Variants in ANO4 observed in about 807,000 individuals in gnomAD.
The protein encoded by ANO4 is anoctamin 4.
Under a neutral mutation model 141.9 loss-of-function variants are expected in ANO4, and 69 were observed. The observed-to-expected ratio is 0.49, with a 90% CI of 0.40 to 0.59. The LOEUF is 0.59. ANO4 is among the 20% of genes least tolerant of loss of function. ANO4 has a pLI of 0.00. For synonymous variants in ANO4, 350 were observed against 394.3 expected (o/e 0.89, Z 1.33); for missense variants, 894 against 1,162.2 (o/e 0.77, Z 3.36).
At chr12:100,930,478 A>G (rs1418158875) in intron 3 of ANO4, among the ~76,000 whole-genome samples, 1 of 152,154 alleles carries the variant, frequency 6.6e-6, no homozygotes, top group Non-Finnish European at 1.5e-5. Context: ...CATTGTCAAA[A>G]ATGAATTTAC....
rs149985630 is a variant in ANO4, at chr12:101,072,719, A to G, written c.1313-6474A>G. ...GACAAAGGGCTAATATCCAGAATCT[A>G]CAAAGAATTTAAACAAACTTACAAG... On this transcript the variant is annotated intron_variant, in intron 14 of 27. Coordinates refer to ENST00000392977, the MANE Select transcript of ANO4 (RefSeq NM_001286615.2). Among the ~76,000 whole-genome samples the G allele has an allele frequency of 7.6e-3, 1,153 of 152,272 alleles. 10 individuals carry two copies. Among genetic ancestry groups the G allele is most frequent in the South Asian group, 0.039 (188 of 4,828 alleles).
At chr12:100,885,781 T>C (rs2039796377) in intron 1 of ANO4, among the ~76,000 whole-genome samples, 1 of 152,216 alleles carries the variant, frequency 6.6e-6, no homozygotes, top group Non-Finnish European at 1.5e-5. Flanking sequence ...ATCTGTGATT[T>C]CTTGTATTTT....
chr12:101,098,374 C>T (rs1279128532), intron 21 of ANO4, among the ~76,000 whole-genome samples: 1 of 152,166 alleles, frequency 6.6e-6, no homozygotes, highest in Admixed American at 6.5e-5. Flanking sequence ...TAAGGATGAC[C>T]TTGAATTCTG....
intron 7 of ANO4, among the ~76,000 whole-genome samples, chr12:100,982,767 TCATTGTATACTAAAGGTTATCTAA>T (rs1384915964): frequency 2.6e-5 from 4 of 152,222 alleles, no homozygotes; most frequent in Admixed American, 1.3e-4. Flanking sequence ...CCAAAGTCCA[TCATTGTATACTAAAGGTTATCTAA>T]CATTGTATAC....
At chr12:100,730,994 G>A (rs1294144828) in intron 1 of ANO4, among the ~76,000 whole-genome samples, 1 of 152,094 alleles carries the variant, frequency 6.6e-6, no homozygotes, top group Non-Finnish European at 1.5e-5. Flanking sequence ...CCTTAAAGAT[G>A]ACTCCTATTT....
chr12:100,875,042 G>T (rs1451035675), intron 1 of ANO4, among the ~76,000 whole-genome samples: 2 of 152,132 alleles, frequency 1.3e-5, no homozygotes, highest in Non-Finnish European at 2.9e-5. Flanking sequence ...AATTAATGAT[G>T]AAATGAGTCA....
At chr12:101,115,917 C>T (rs2137035729) in intron 24 of ANO4, among the ~76,000 whole-genome samples, 1 of 152,220 alleles carries the variant, frequency 6.6e-6, no homozygotes, top group Middle Eastern at 3.4e-3. Context: ...ACACAAATAC[C>T]TAAGATACCT....
chr12:100,970,932 T>TG (rs2043907843), intron 5 of ANO4, among the ~76,000 whole-genome samples: 1 of 152,160 alleles, frequency 6.6e-6, no homozygotes, highest in African/African-American at 2.4e-5. Flanking sequence ...TTGTCCAGTC[T>TG]GGTCTCGAAC....
intron 14 of ANO4, among the ~76,000 whole-genome samples, chr12:101,049,209 C>A (rs1232241522): frequency 6.6e-6 from 1 of 152,112 alleles, no homozygotes; most frequent in Non-Finnish European, 1.5e-5. Flanking sequence ...TCTCCTATAA[C>A]TTTAATTGCC....
chr12:100,910,142 T>C (rs1216860772), intron 2 of ANO4, among the ~76,000 whole-genome samples: 9 of 152,222 alleles, frequency 5.9e-5, no homozygotes, highest in Non-Finnish European at 1.3e-4. Flanking sequence ...AGCCTTGTTA[T>C]GGCAATTAAA....
chr12:100,832,092 G>C (rs2036662091), intron 1 of ANO4, among the ~76,000 whole-genome samples: 1 of 152,038 alleles, frequency 6.6e-6, no homozygotes, highest in African/African-American at 2.4e-5. Flanking sequence ...GTATGCACAT[G>C]TTTATGCAAC....
At chr12:101,059,823 A>C (rs1403604363) in intron 14 of ANO4, among the ~76,000 whole-genome samples, 1 of 152,026 alleles carries the variant, frequency 6.6e-6, no homozygotes, top group Non-Finnish European at 1.5e-5. Flanking sequence ...ATCTTTTTTA[A>C]AAAACAATTC....
At chr12:101,037,585 A>G (rs961349280) in intron 10 of ANO4, among the ~76,000 whole-genome samples, 1 of 152,204 alleles carries the variant, frequency 6.6e-6, no homozygotes, top group Non-Finnish European at 1.5e-5. Flanking sequence ...ACAAATAAAA[A>G]TTAATAATGT....
chr12:100,802,386 C>G (rs2034751291), intron 1 of ANO4, among the ~76,000 whole-genome samples: 1 of 152,078 alleles, frequency 6.6e-6, no homozygotes, highest in Non-Finnish European at 1.5e-5. Context: ...CTTGTCCCTC[C>G]TTTCTTTTTC....
chr12:100,919,720 GTATGTGTGTATGTATGTATC>G (rs1185983606), intron 2 of ANO4, among the ~76,000 whole-genome samples: 255 of 133,410 alleles, frequency 1.9e-3, no homozygotes, highest in African/African-American at 6.7e-3. Flanking sequence ...ATGTATGTAT[GTATGTGTGTATGTATGTATC>G]TATCTATCTA....
At chr12:101,118,020 A>G (rs1285838429) in intron 25 of ANO4, among the ~76,000 whole-genome samples, 1 of 151,986 alleles carries the variant, frequency 6.6e-6, no homozygotes, top group Non-Finnish European at 1.5e-5. Context: ...ATGGGGAGAA[A>G]GACTGGCTGG....
intron 1 of ANO4, among the ~76,000 whole-genome samples, chr12:100,811,871 G>A (rs1291495007): frequency 6.6e-6 from 1 of 152,114 alleles, no homozygotes; most frequent in African/African-American, 2.4e-5. Flanking sequence ...CCTAAACCAT[G>A]GTAGTCGATA....
chr12:101,053,041 TC>T (rs1388497615), intron 14 of ANO4, among the ~76,000 whole-genome samples: 1 of 152,206 alleles, frequency 6.6e-6, no homozygotes, highest in Non-Finnish European at 1.5e-5. Context: ...TCAATTAAGA[TC>T]TCATTAACTC....
At chr12:101,010,687 C>T (rs1324248439) in intron 8 of ANO4, among the ~76,000 whole-genome samples, 1 of 152,148 alleles carries the variant, frequency 6.6e-6, no homozygotes, top group Non-Finnish European at 1.5e-5. Flanking sequence ...ACCTTTGCTT[C>T]TCCTTGTTAA....
Sources: gnomAD v4.1 joint callset for allele counts (sites outside exome capture counted in the v4.1 genomes callset) on GRCh38, gnomAD v4.1.1 for gene constraint, MANE v1.5 for transcripts, NCBI Gene and HGNC (gene_info 2026-07-23, HGNC 2026-07-21) for gene names.